The following SGCB variants were observed in gnomAD, a reference collection of about 807,000 sequenced individuals.
SGCB encodes the protein sarcoglycan beta.
In SGCB, 25 loss-of-function variants were observed where a neutral mutation model predicts 27.3. That is an observed-to-expected ratio of 0.92 (90% CI 0.67 to 1.28). The LOEUF (loss-of-function observed/expected upper bound fraction) is 1.28, where lower values mean the gene tolerates loss of function less well. Ranked by LOEUF, SGCB falls within the 50% of genes most tolerant of loss-of-function variation. The pLI is 0.00. For synonymous variants in SGCB, 147 were observed against 133.5 expected (o/e 1.10, Z -0.70); for missense variants, 436 against 402.1 (o/e 1.08, Z -0.72).
intron 1 of SGCB, 65 bp from the exon 2 acceptor site, chr4:52,033,705 G>C: frequency 4.8e-6 from 6 of 1,248,158 alleles, no homozygotes; most frequent in Admixed American, 1.7e-5. Context: ...TTATCTATTA[G>C]GTGCAAATTC....
chr4:52,037,850 TG>T (rs1737436336), intron 1 of SGCB, among the ~76,000 whole-genome samples: 1 of 152,160 alleles, frequency 6.6e-6, no homozygotes, highest in Non-Finnish European at 1.5e-5. Context: ...GCCTTCTCGC[TG>T]GGGCTGCGGT....
At chr4:52,029,076 T>C (rs1301470639) in intron 3 of SGCB, among the ~76,000 whole-genome samples, 155 bp from the exon 4 acceptor site, 1 of 152,228 alleles carries the variant, frequency 6.6e-6, no homozygotes, top group Non-Finnish European at 1.5e-5. Context: ...CTGTTCTCCC[T>C]CCATCCACTT....
At chr4:52,036,106 A>G (rs892402755) in intron 1 of SGCB, among the ~76,000 whole-genome samples, 1 of 152,234 alleles carries the variant, frequency 6.6e-6, no homozygotes, top group African/African-American at 2.4e-5. Flanking sequence ...TAGTGGAGCA[A>G]TGCATACAAT....
At chr4:52,035,443 A>G (rs1401914764) in intron 1 of SGCB, among the ~76,000 whole-genome samples, 2 of 152,120 alleles carry the variant, frequency 1.3e-5, no homozygotes, top group Non-Finnish European at 2.9e-5. Flanking sequence ...AAATGGGGAG[A>G]AGTAGATGGG....
intron 5 of SGCB, among the ~76,000 whole-genome samples, chr4:52,026,413 C>A (rs1337079477): frequency 2.0e-5 from 3 of 151,966 alleles, no homozygotes; most frequent in African/African-American, 7.2e-5. Flanking sequence ...CGCCCGCCAC[C>A]ACGCCCAGGT....
At chr4:52,031,406 ATGTGTGTGTGTG>A (rs57599198) in intron 2 of SGCB, among the ~76,000 whole-genome samples, 1,898 of 142,776 alleles carry the variant, frequency 0.013, 17 homozygotes, top group Non-Finnish European at 0.017. Context: ...GTGTGTGTGT[ATGTGTGTGTGTG>A]TGTGTGTGTG....
intron 5 of SGCB, among the ~76,000 whole-genome samples, chr4:52,027,311 C>T (rs550789096): frequency 1.3e-5 from 2 of 151,922 alleles, no homozygotes; most frequent in South Asian, 2.1e-4. Context: ...AAATACCATA[C>T]CTGTTAAAGT....
chr4:52,029,898 G>A lies in SGCB; in HGVS notation c.244-35C>T, dbSNP rs374259477. 595 of 1,472,760 alleles carry A rather than the reference G, an allele frequency of 4.0e-4. 2 individuals carry two copies. In the African/African-American group the frequency reaches 6.5e-3, roughly 16 times the overall value. The allele number at this position is 1,472,760 out of a possible 1,614,324, so 91.2% of individuals were successfully genotyped here. On this transcript the variant is annotated intron_variant, in intron 2 of 5. Transcript: ENST00000381431. Reference sequence around the variant, plus strand: ...AACACAAGTCCACTGTTGGTAGGCCGCATACATTTAATGTAATTGGAAAAC... The same window carrying A: ...AACACAAGTCCACTGTTGGTAGGCCACATACATTTAATGTAATTGGAAAAC...
intron 5 of SGCB, among the ~76,000 whole-genome samples, chr4:52,027,399 A>G (rs1737126617): frequency 6.6e-6 from 1 of 151,946 alleles, no homozygotes; most frequent in Admixed American, 6.6e-5. Context: ...TTCCTTTACA[A>G]TTAATAATAG....
Position 52,038,241 on chromosome 4 carries a change from C to A in SGCB, c.19G>T (p.Ala7Ser). The A allele has an allele frequency of 7.7e-7, 1 of 1,290,832 alleles. No individual in the cohort carries two copies. The highest frequency in any genetic ancestry group is 9.8e-7 in the Non-Finnish European group (1 of 1,015,410). The allele number at this position is 1,290,832 out of a possible 1,614,324, so 80.0% of individuals were successfully genotyped here. The stretch of plus-strand genomic sequence containing the variant: ...TACTCACAGACCTGTTCTGCAGCCG[C>A]CGCCGCCGCTGCCGCCATCTTCCCG... MAAAAA[A>S]AAEQQSSNGP... is the part of the protein sequence containing the mutation. Residue 7 changes from alanine to serine, a missense_variant, in exon 1 of 6, where the codon GCG becomes TCG. Coordinates refer to ENST00000381431, the MANE Select transcript of SGCB (RefSeq NM_000232.5).
chr4:52,026,253 T>G (rs1214113342), intron 5 of SGCB, among the ~76,000 whole-genome samples: 1 of 133,190 alleles, frequency 7.5e-6, no homozygotes, highest in Non-Finnish European at 1.6e-5. Context: ...GTTGTTGGTT[T>G]TTTTTTTTTT....
Position 52,037,750 on chromosome 4 carries a change from G to A in SGCB, c.33+477C>T, listed in dbSNP as rs560750628. Reference sequence around the variant, plus strand: ...AAACCAAAGCGTGAGGGGAAATCTGGGATGTCTGCATATTGGAGATGGCAG... The same window carrying A: ...AAACCAAAGCGTGAGGGGAAATCTGAGATGTCTGCATATTGGAGATGGCAG... On this transcript the variant is annotated intron_variant, in intron 1 of 5. Coordinates refer to ENST00000381431, the MANE Select transcript of SGCB (RefSeq NM_000232.5). Among the ~76,000 whole-genome samples, 24 of 152,260 alleles carry A rather than the reference G, an allele frequency of 1.6e-4. 3 individuals are homozygous for A. The highest frequency in any genetic ancestry group is 5.1e-4 in the African/African-American group (21 of 41,556).
In SGCB at chr4:52,029,850, A is replaced by G. The variant is rs1344995662; in HGVS notation, c.257T>C (p.Ile86Thr). The change falls in exon 3 of 6, where the codon ATT (isoleucine) becomes ACT (threonine). Residue 86 changes from isoleucine to threonine, a missense_variant. By Grantham distance (89) the Ile-to-Thr change is moderately conservative. Coordinates refer to ENST00000381431, the MANE Select transcript of SGCB (RefSeq NM_000232.5). ...AVINLIITLV[I>T]WAVIRIGPNG... is the part of the protein sequence containing the mutation. ...TGGTCCAATGCGAATCACGGCCCAA[A>G]TAACAAGTGTTATCTGAAAAAGAAC... The G allele has an allele frequency of 6.2e-7, 1 of 1,613,522 alleles. No individual in the cohort carries two copies. The highest frequency in any genetic ancestry group is 1.3e-5 in the African/African-American group (1 of 74,922).
At chr4:52,026,250 G>GT (rs71193050) in intron 5 of SGCB, among the ~76,000 whole-genome samples, 1,180 of 101,662 alleles carry the variant, frequency 0.012, 156 homozygotes, top group Middle Eastern at 0.025. Flanking sequence ...TTTGTTGTTG[G>GT]TTTTTTTTTT....
At chr4:52,032,436 T>C (rs1365276441) in intron 2 of SGCB, among the ~76,000 whole-genome samples, 1 of 152,222 alleles carries the variant, frequency 6.6e-6, no homozygotes, top group East Asian at 1.9e-4. Flanking sequence ...GATATTTCTG[T>C]TTCGTGACAT....
intron 3 of SGCB, 92 bp from the exon 4 acceptor site, chr4:52,029,013 C>A: frequency 1.0e-6 from 1 of 973,374 alleles, no homozygotes; most frequent in South Asian, 1.5e-5. Context: ...ACAAAAATTA[C>A]AGAAATTTAA....
In SGCB at chr4:52,024,095, AC is replaced by A; in HGVS notation, c.818del (p.Ser273MetfsTer28). ...AGTCACCACTACCCAACTGGTCTCC[AC>A]TGGAGGAACTGGGTAGGCGGGTGGT... ...VSTTRLPSSS[S>X]GDQLGSGDWV... On this transcript the variant is annotated frameshift_variant, in exon 6 of 6. Coordinates refer to ENST00000381431, the MANE Select transcript of SGCB (RefSeq NM_000232.5). LOFTEE classifies it high-confidence loss of function. 1 of 1,613,862 alleles carries A rather than the reference AC, an allele frequency of 6.2e-7. No individual in the cohort carries two copies. The highest frequency in any genetic ancestry group is 8.5e-7 in the Non-Finnish European group (1 of 1,179,740).
chr4:52,028,402 C>T (rs916318696), intron 4 of SGCB, among the ~76,000 whole-genome samples: 1 of 152,158 alleles, frequency 6.6e-6, no homozygotes, highest in African/African-American at 2.4e-5. Context: ...CTTTGGGAGG[C>T]CGAGACGGGC....
chr4:52,025,939 T>C lies in SGCB; in HGVS notation c.754-1779A>G, dbSNP rs1340962187. Among the ~76,000 whole-genome samples, 9 of 152,312 alleles carry C rather than the reference T, an allele frequency of 5.9e-5. No homozygotes were observed. In the East Asian group the frequency reaches 1.7e-3, roughly 29 times the overall value. On this transcript the variant is annotated intron_variant, in intron 5 of 5. Transcript: ENST00000381431. ...CTTGTGGGGATGGAGAATCTAACTT[T>C]TCAATTGTTAAATGTGAGATGCCTA...
Sources: allele counts gnomAD v4.1 joint callset (sites outside exome capture counted in the v4.1 genomes callset), GRCh38; gene constraint gnomAD v4.1.1; transcripts MANE v1.5; gene names NCBI Gene and HGNC (gene_info 2026-07-23, HGNC 2026-07-21).